The following ATXN1 variants were observed in gnomAD, a reference collection of about 807,000 sequenced individuals.
ATXN1 encodes the protein ataxin-1.
In ATXN1, 8 loss-of-function variants were observed where a neutral mutation model predicts 56.4. The ratio of observed to expected loss-of-function variants is 0.14; its 90% CI spans 0.08 to 0.26. ATXN1 has a LOEUF of 0.26. Among genes scored for constraint, ATXN1 ranks in the 10% least tolerant of loss-of-function variants. The pLI is 1.00. For synonymous variants in ATXN1, 514 were observed against 494.6 expected (o/e 1.04, Z -0.52); for missense variants, 987 against 1,106.5 (o/e 0.89, Z 1.53).
intron 6 of ATXN1, among the ~76,000 whole-genome samples, chr6:16,418,093 T>C (rs1455459866): frequency 1.3e-5 from 2 of 152,156 alleles, no homozygotes; most frequent in African/African-American, 2.4e-5. Flanking sequence ...TAGCAAAAGA[T>C]TGAGAAGTGA....
At chr6:16,583,596 C>A (rs1227824605) in intron 4 of ATXN1, among the ~76,000 whole-genome samples, 1 of 152,216 alleles carries the variant, frequency 6.6e-6, no homozygotes, top group Admixed American at 6.5e-5. Context: ...GTGAGGGACT[C>A]TGTGCCCAAG....
At chr6:16,325,781 C>T (rs1185501114) in intron 7 of ATXN1, among the ~76,000 whole-genome samples, 3 of 151,968 alleles carry the variant, frequency 2.0e-5, no homozygotes, top group East Asian at 1.9e-4. Context: ...TGTTGGAGAC[C>T]GGGCCTTGCT....
At chr6:16,740,360 C>T (rs1239342196) in intron 2 of ATXN1, among the ~76,000 whole-genome samples, 4 of 152,128 alleles carry the variant, frequency 2.6e-5, no homozygotes, top group African/African-American at 9.7e-5. Flanking sequence ...CAGAATAAAG[C>T]TGATTCACAG....
intron 2 of ATXN1, among the ~76,000 whole-genome samples, chr6:16,674,836 TAAGAAATC>T (rs1007180346): frequency 6.6e-6 from 1 of 152,032 alleles, no homozygotes; most frequent in African/African-American, 2.4e-5. Flanking sequence ...TGTACTGGAG[TAAGAAATC>T]AATGCTCCTA....
At chr6:16,634,471 CA>C (rs11339069) in intron 3 of ATXN1, among the ~76,000 whole-genome samples, 90,029 of 151,902 alleles carry the variant, frequency 0.59, 26,713 homozygotes, top group African/African-American at 0.64. Flanking sequence ...GTGTATAACT[CA>C]AATGTTTTTT....
intron 6 of ATXN1, among the ~76,000 whole-genome samples, chr6:16,372,471 C>T (rs924335622): frequency 1.3e-5 from 2 of 152,202 alleles, no homozygotes; most frequent in East Asian, 1.9e-4. Flanking sequence ...ATTACTCCAT[C>T]CCATGCTCAG....
intron 6 of ATXN1, among the ~76,000 whole-genome samples, chr6:16,401,742 A>C (rs2113536709): frequency 6.6e-6 from 1 of 152,304 alleles, no homozygotes; most frequent in South Asian, 2.1e-4. Context: ...GTGTAACTGA[A>C]TATTTTTCCC....
chr6:16,717,812 C>T lies in ATXN1; in HGVS notation c.-615+35421G>A, dbSNP rs75146463. ...AGTCTCCAAAAGCAGGGGCAGAAGG[C>T]GGCGATCGTATGCAGATCCAGCCAG... is the stretch of plus-strand genomic sequence containing the variant. On this transcript the variant is annotated intron_variant, in intron 2 of 7. Transcript: ENST00000436367. Among the ~76,000 whole-genome samples the T allele has an allele frequency of 1.3e-3, 199 of 152,248 alleles. 2 individuals carry two copies. Among genetic ancestry groups the T allele is most frequent in the South Asian group, 3.3e-3 (16 of 4,824 alleles).
At chr6:16,354,336 C>G (rs1266313408) in intron 6 of ATXN1, among the ~76,000 whole-genome samples, 1 of 152,096 alleles carries the variant, frequency 6.6e-6, no homozygotes, top group Non-Finnish European at 1.5e-5. Context: ...CGGCTCACTG[C>G]AACCTCTGCC....
intron 3 of ATXN1, among the ~76,000 whole-genome samples, chr6:16,616,937 T>C (rs1763223887): frequency 6.6e-6 from 1 of 151,700 alleles, no homozygotes; most frequent in African/African-American, 2.4e-5. Flanking sequence ...ACTTTTATTA[T>C]AGTATATTTT....
At chr6:16,470,034 T>C (rs1760187435) in intron 6 of ATXN1, among the ~76,000 whole-genome samples, 1 of 151,664 alleles carries the variant, frequency 6.6e-6, no homozygotes, top group South Asian at 2.1e-4. Context: ...TGCACACTCA[T>C]ATCCATAGCA....
chr6:16,693,188 C>T (rs1025739757), intron 2 of ATXN1, among the ~76,000 whole-genome samples: 3 of 152,176 alleles, frequency 2.0e-5, no homozygotes, highest in Admixed American at 6.5e-5. Context: ...GCACAAAGAA[C>T]ATCAGAGATG....
chr6:16,328,489 C>A lies in ATXN1; in HGVS notation c.-160-19G>T, dbSNP rs1016849757. The A allele has an allele frequency of 3.4e-6, 4 of 1,165,962 alleles. No homozygotes were observed. The highest frequency in any genetic ancestry group is 1.6e-5 in the African/African-American group (1 of 64,486). 72.2% of individuals were successfully genotyped at this position (1,165,962 alleles called of 1,614,324 possible). ...CTGGATGCTGGGAAAGGGAAGAGGG[C>A]AGTGACAAAGGGAAAAGGAAAGGGA... On this transcript the variant is annotated intron_variant, in intron 6 of 7. Coordinates refer to ENST00000436367, the MANE Select transcript of ATXN1 (RefSeq NM_001128164.2). The surrounding 1 kb of genome is among the most constrained non-coding windows in gnomAD (Gnocchi z 6.2).
chr6:16,363,917 C>G (rs749509095), intron 6 of ATXN1, among the ~76,000 whole-genome samples: 3 of 152,214 alleles, frequency 2.0e-5, no homozygotes, highest in Non-Finnish European at 4.4e-5. Flanking sequence ...TTAAGTGACT[C>G]TAAAATAAAA....
intron 2 of ATXN1, among the ~76,000 whole-genome samples, chr6:16,702,928 C>T (rs1487310180): frequency 1.3e-5 from 2 of 152,116 alleles, no homozygotes; most frequent in Non-Finnish European, 2.9e-5. Flanking sequence ...TGTGGCGATT[C>T]CTCAGGGATC....
intron 2 of ATXN1, among the ~76,000 whole-genome samples, chr6:16,682,476 T>A (rs768266711): frequency 9.2e-5 from 14 of 152,168 alleles, no homozygotes; most frequent in Non-Finnish European, 1.9e-4. Context: ...GGATTACAGG[T>A]GTGAGCCACC....
intron 5 of ATXN1, among the ~76,000 whole-genome samples, chr6:16,503,159 C>T (rs1456888141): frequency 6.6e-6 from 1 of 152,182 alleles, no homozygotes; most frequent in Non-Finnish European, 1.5e-5. Context: ...GCTACTTACA[C>T]TATCTAGTTT....
chr6:16,614,289 T>A (rs895042203), intron 3 of ATXN1, among the ~76,000 whole-genome samples: 1 of 150,950 alleles, frequency 6.6e-6, no homozygotes, highest in Non-Finnish European at 1.5e-5. Flanking sequence ...TGATGGTACA[T>A]GACTCTTTCT....
chr6:16,341,349 C>T (rs1277365603), intron 6 of ATXN1, among the ~76,000 whole-genome samples: 2 of 152,052 alleles, frequency 1.3e-5, no homozygotes, highest in African/African-American at 2.4e-5. Flanking sequence ...TCAATGCTGA[C>T]GGCACATCAG....
Sources: allele counts gnomAD v4.1 joint callset (sites outside exome capture counted in the v4.1 genomes callset), GRCh38; gene constraint gnomAD v4.1.1; non-coding constraint Gnocchi (gnomAD v3.1); transcripts MANE v1.5; gene names NCBI Gene and HGNC (gene_info 2026-07-23, HGNC 2026-07-21).